Variants in EZH2 observed in about 807,000 individuals in gnomAD.
EZH2 encodes the protein histone-lysine N-methyltransferase EZH2.
EZH2 carries 18 observed loss-of-function variants against 98.4 expected under a neutral mutation model. That is an observed-to-expected ratio of 0.18 (90% CI 0.13 to 0.27). EZH2 has a LOEUF of 0.27. Ranked by LOEUF, EZH2 falls within the 10% of genes least tolerant of loss-of-function variation. The pLI, the probability that EZH2 is intolerant of heterozygous loss-of-function variation, is 1.00. For synonymous variants in EZH2, 338 were observed against 312.3 expected (o/e 1.08, Z -0.87); for missense variants, 470 against 935.1 (o/e 0.50, Z 6.49).
Position 148,847,309 on chromosome 7 carries a change from A to C in EZH2, c.-7-4T>G, listed in dbSNP as rs1280205592. 1 of 1,613,048 alleles carries C rather than the reference A, an allele frequency of 6.2e-7. No individual in the cohort carries two copies. The highest frequency in any genetic ancestry group is 8.5e-7 in the Non-Finnish European group (1 of 1,179,754). On this transcript the variant is annotated splice_region_variant and splice_polypyrimidine_tract_variant and intron_variant, in intron 1 of 19. Coordinates refer to ENST00000320356, the MANE Select transcript of EZH2 (RefSeq NM_004456.5). ...CCCAGTCTGGCCCATGATTATTCTA[A>C]AAGCAATGGTTTCATATTAAAATCA...
intron 3 of EZH2, among the ~76,000 whole-genome samples, chr7:148,833,464 A>T (rs1426765234): frequency 9.4e-5 from 2 of 21,176 alleles, no homozygotes; most frequent in Admixed American, 5.7e-4. Flanking sequence ...CTCAAAAAAA[A>T]AAAAAATAAA....
intron 1 of EZH2, among the ~76,000 whole-genome samples, chr7:148,870,043 C>T (rs757981544): frequency 6.6e-6 from 1 of 152,036 alleles, no homozygotes; most frequent in African/African-American, 2.4e-5. Context: ...CAATGTGAGA[C>T]CCTGTCTCTA....
chr7:148,867,831 C>CGT (rs1818760223), intron 1 of EZH2, among the ~76,000 whole-genome samples: 1 of 152,238 alleles, frequency 6.6e-6, no homozygotes, highest in South Asian at 2.1e-4. Context: ...TTCTTGAACA[C>CGT]GTTGCTGCTT....
intron 15 of EZH2, among the ~76,000 whole-genome samples, chr7:148,812,130 T>TC (rs1314617684): frequency 6.6e-6 from 1 of 152,096 alleles, no homozygotes; most frequent in Admixed American, 6.6e-5. Flanking sequence ...CCCTCTACTT[T>TC]CCCCAAGTGA....
At chr7:148,877,973 C>A (rs961293286) in intron 1 of EZH2, among the ~76,000 whole-genome samples, 1 of 152,090 alleles carries the variant, frequency 6.6e-6, no homozygotes, top group Non-Finnish European at 1.5e-5. Context: ...GCTGAATAAT[C>A]CTGGGCAAAT....
Position 148,884,276 on chromosome 7 carries a change from G to C in EZH2, c.-120C>G, listed in dbSNP as rs939686972. ...GTCCCACCGGGTGTCGGACGCGACC[G>C]GACCGAGCGCCAAACGCGGCAGCCC... On this transcript the variant is annotated 5_prime_UTR_variant, in exon 1 of 20. Coordinates refer to ENST00000320356, the MANE Select transcript of EZH2 (RefSeq NM_004456.5). The C allele has an allele frequency of 5.4e-6, 1 of 184,522 alleles. No individual in the cohort carries two copies. The highest frequency in any genetic ancestry group is 9.0e-5 in the East Asian group (1 of 11,172). The allele number at this position is 184,522 out of a possible 1,614,324, so 11.4% of individuals were successfully genotyped here.
intron 1 of EZH2, among the ~76,000 whole-genome samples, chr7:148,875,026 A>G (rs1393884161): frequency 6.6e-6 from 1 of 152,188 alleles, no homozygotes; most frequent in Non-Finnish European, 1.5e-5. Context: ...TTATCCTTTG[A>G]AGAAAAAATT....
intron 1 of EZH2, among the ~76,000 whole-genome samples, chr7:148,872,377 G>A (rs1157819413): frequency 2.0e-5 from 3 of 152,126 alleles, no homozygotes; most frequent in African/African-American, 7.2e-5. Flanking sequence ...CAGAATTTCA[G>A]TTCTGCAAGA....
chr7:148,812,502 G>A (rs1398836764), intron 15 of EZH2, among the ~76,000 whole-genome samples: 1 of 152,144 alleles, frequency 6.6e-6, no homozygotes, highest in Non-Finnish European at 1.5e-5. Flanking sequence ...CACCTGTCAT[G>A]TGAACTTCCC....
At position 148,846,585 on chromosome 7, in the gene EZH2, G is replaced by A. The variant is rs761247972; in HGVS notation, c.131C>T (p.Ser44Phe). 1.9e-6 allele frequency: 3 copies of A among 1,591,802 alleles called. No individual in the cohort carries two copies. The highest frequency in any genetic ancestry group is 2.6e-6 in the Non-Finnish European group (3 of 1,174,352). The part of the protein sequence containing the change: ...RADEVKSMFS[S>F]NRQKILERTE... ...TCTTTCCAAAATTTTCTGACGATTG[G>A]AACTAAACATACTCTTAAAAAAAAA... Residue 44 changes from serine to phenylalanine, a missense_variant, in exon 3 of 20, where the codon TCC becomes TTC. Coordinates refer to ENST00000320356, the MANE Select transcript of EZH2 (RefSeq NM_004456.5).
chr7:148,838,578 A>G (rs772520215), intron 3 of EZH2, among the ~76,000 whole-genome samples: 14 of 152,234 alleles, frequency 9.2e-5, no homozygotes, highest in South Asian at 2.1e-4. Flanking sequence ...TTCTAATTCA[A>G]TAACAGTCCT....
At chr7:148,812,602 T>G (rs1803399254) in intron 15 of EZH2, among the ~76,000 whole-genome samples, 1 of 152,202 alleles carries the variant, frequency 6.6e-6, no homozygotes, top group Non-Finnish European at 1.5e-5. Context: ...AGTTTAACAT[T>G]TTTAAGAGTT....
intron 1 of EZH2, among the ~76,000 whole-genome samples, chr7:148,858,756 CT>C (rs1173737439): frequency 6.6e-6 from 1 of 152,002 alleles, no homozygotes; most frequent in Non-Finnish European, 1.5e-5. Context: ...GGTAATTCCA[CT>C]GTTTTAAAAC....
intron 1 of EZH2, among the ~76,000 whole-genome samples, chr7:148,871,577 CTTTTTTT>C (rs376098406): frequency 1.5e-5 from 2 of 135,254 alleles, no homozygotes; most frequent in Admixed American, 1.5e-4. Flanking sequence ...AGTGTATTTT[CTTTTTTT>C]TTTTTTTTGA....
At chr7:148,810,958 A>G (rs948737927) in intron 16 of EZH2, among the ~76,000 whole-genome samples, 16 of 151,734 alleles carry the variant, frequency 1.1e-4, no homozygotes, top group South Asian at 8.3e-4. Flanking sequence ...AGCTAGGCCT[A>G]TGATTTTTCG....
intron 6 of EZH2, among the ~76,000 whole-genome samples, chr7:148,828,097 G>A (rs1808245760): frequency 6.6e-6 from 1 of 152,194 alleles, no homozygotes; most frequent in Admixed American, 6.5e-5. Context: ...TAGCCTGGGC[G>A]ACAGAGCGAG....
At chr7:148,833,230 G>A (rs181047311) in intron 3 of EZH2, among the ~76,000 whole-genome samples, 43 of 152,078 alleles carry the variant, frequency 2.8e-4, no homozygotes, top group African/African-American at 9.9e-4. Flanking sequence ...AGGCCGAGAC[G>A]GGCGGATCAC....
chr7:148,861,156 C>G (rs1269688737), intron 1 of EZH2, among the ~76,000 whole-genome samples: 3 of 151,744 alleles, frequency 2.0e-5, no homozygotes, highest in African/African-American at 7.3e-5. Flanking sequence ...TCATCTGGCT[C>G]TAGATTACTT....
chr7:148,871,869 C>G (rs1389389906), intron 1 of EZH2, among the ~76,000 whole-genome samples: 1 of 152,144 alleles, frequency 6.6e-6, no homozygotes, highest in East Asian at 1.9e-4. Flanking sequence ...CCACCACGCC[C>G]AGCCGAATAG....
Sources: allele counts gnomAD v4.1 joint callset (sites outside exome capture counted in the v4.1 genomes callset), GRCh38; gene constraint gnomAD v4.1.1; transcripts MANE v1.5; gene names NCBI Gene and HGNC (gene_info 2026-07-23, HGNC 2026-07-21).